TSHZ1: variants seen among roughly 807,000 people sequenced by gnomAD.
TSHZ1 encodes the protein teashirt homolog 1.
In TSHZ1, 12 loss-of-function variants were observed where a neutral mutation model predicts 67.1. The ratio of observed to expected loss-of-function variants is 0.18; its 90% CI spans 0.11 to 0.29. The LOEUF (loss-of-function observed/expected upper bound fraction) is 0.29. Among genes scored for constraint, TSHZ1 ranks in the 10% least tolerant of loss-of-function variants. The pLI is 1.00. For missense variants in TSHZ1, 1,305 were observed against 1,413.9 expected, an observed-to-expected ratio of 0.92 and a Z score of 1.23; for synonymous variants, 632 against 622.4, an observed-to-expected ratio of 1.02 and a Z score of -0.23.
chr18:75,219,656 T>TG (rs928292115), intron 1 of TSHZ1, among the ~76,000 whole-genome samples: 2 of 152,244 alleles, frequency 1.3e-5, no homozygotes, highest in African/African-American at 4.8e-5. Flanking sequence ...TTAGACTTTT[T>TG]GGGGGAAAAA....
At chr18:75,271,416 C>G (rs190515038) in intron 1 of TSHZ1, among the ~76,000 whole-genome samples, 2 of 152,168 alleles carry the variant, frequency 1.3e-5, no homozygotes, top group Admixed American at 6.5e-5. Flanking sequence ...CTTTATCTCT[C>G]GCTTCACTCA....
Position 75,287,296 on chromosome 18 carries a change from C to T in TSHZ1, c.1889C>T (p.Pro630Leu). 6.2e-7 allele frequency: 1 copy of T among 1,614,114 alleles called. No individual in the cohort carries two copies. The highest frequency in any genetic ancestry group is 8.5e-7 in the Non-Finnish European group (1 of 1,180,020). Residue 630 changes from proline (P) to leucine (L), a missense_variant, in exon 2 of 2, where the codon CCA becomes CTA. Transcript: ENST00000580243. This position sits in a 1 kb window ranked among gnomAD's most constrained non-coding sequence, Gnocchi z 5.0. ...LLHSPGSLTP[P>L]PHKSNVSAME... ...CACTCCCCAGGGAGCCTCACGCCCC[C>T]ACCGCACAAGAGCAACGTGTCTGCC...
chr18:75,211,999 C>G (rs1360587189), intron 1 of TSHZ1, 83 bp downstream of exon 1: 1 of 1,084,060 alleles, frequency 9.2e-7, no homozygotes, highest in Non-Finnish European at 1.2e-6. Context: ...AGGTGCGGGA[C>G]GTGGGCCGCG....
At chr18:75,244,420 T>G (rs1236738039) in intron 1 of TSHZ1, among the ~76,000 whole-genome samples, 1 of 152,246 alleles carries the variant, frequency 6.6e-6, no homozygotes, top group African/African-American at 2.4e-5. Context: ...CAATAATTTC[T>G]TAAATGCAAT....
intron 1 of TSHZ1, among the ~76,000 whole-genome samples, chr18:75,241,954 C>T (rs1387692527): frequency 2.7e-5 from 4 of 146,842 alleles, no homozygotes; most frequent in Non-Finnish European, 3.0e-5. Context: ...CTAGTATGAC[C>T]TCACCCCAGC....
chr18:75,224,148 T>C (rs2022887693), intron 1 of TSHZ1, among the ~76,000 whole-genome samples: 1 of 151,878 alleles, frequency 6.6e-6, no homozygotes, highest in African/African-American at 2.4e-5. Flanking sequence ...TTTTTCTTAT[T>C]GGAACGCTTT....
chr18:75,226,571 CT>C (rs34040466), intron 1 of TSHZ1, among the ~76,000 whole-genome samples: 4,899 of 140,970 alleles, frequency 0.035, 81 homozygotes, highest in East Asian at 0.1. Context: ...TGTTTTTCAA[CT>C]TTTTTTTTTT....
chr18:75,212,641 A>G (rs971076374), intron 1 of TSHZ1, among the ~76,000 whole-genome samples: 1 of 152,152 alleles, frequency 6.6e-6, no homozygotes, highest in African/African-American at 2.4e-5. Flanking sequence ...ACATCAATAA[A>G]TCACTCACCA....
chr18:75,223,051 C>T (rs1196567192), intron 1 of TSHZ1, among the ~76,000 whole-genome samples: 1 of 152,186 alleles, frequency 6.6e-6, no homozygotes, highest in Non-Finnish European at 1.5e-5. Context: ...CCCTGCCTCC[C>T]AGCACTGCGG....
chr18:75,246,038 G>A (rs185071654), intron 1 of TSHZ1, among the ~76,000 whole-genome samples: 2 of 152,264 alleles, frequency 1.3e-5, no homozygotes, highest in African/African-American at 2.4e-5. Flanking sequence ...CCACCTCACC[G>A]CCCTTCCAGG....
At chr18:75,214,174 G>A (rs564615239) in intron 1 of TSHZ1, among the ~76,000 whole-genome samples, 1 of 152,272 alleles carries the variant, frequency 6.6e-6, no homozygotes, top group East Asian at 1.9e-4. Flanking sequence ...GCATTAACGT[G>A]GATTCCTAGC....
intron 1 of TSHZ1, among the ~76,000 whole-genome samples, chr18:75,237,162 C>T (rs1012670724): frequency 1.3e-5 from 2 of 152,122 alleles, no homozygotes; most frequent in Admixed American, 1.3e-4. Context: ...CTGAGAGTTG[C>T]GTGTCAGGGC....
At position 75,289,478 on chromosome 18, in the gene TSHZ1, C is replaced by T. The variant is rs562681033; in HGVS notation, c.*837C>T. 4.7e-4 allele frequency: 78 copies of T among 167,078 alleles called. No individual in the cohort carries two copies. Among genetic ancestry groups the T allele is most frequent in the African/African-American group, 1.9e-3 (77 of 41,530 alleles). 10.3% of individuals were successfully genotyped at this position (167,078 alleles called of 1,614,324 possible). A position where few individuals can be genotyped will look rare whatever the true frequency, so the allele number is the denominator to read the frequency against. On this transcript the variant is annotated 3_prime_UTR_variant, in exon 2 of 2. Transcript: ENST00000580243. ...TTGGTACAAGCTGACCTTTCTATAG[C>T]GTGCTGCATTGGTAAATGAAAAAAA...
chr18:75,224,256 A>G (rs1599026660), intron 1 of TSHZ1, among the ~76,000 whole-genome samples: 1 of 152,232 alleles, frequency 6.6e-6, no homozygotes, highest in Non-Finnish European at 1.5e-5. Flanking sequence ...GTCTTCTTTA[A>G]TTATTACCTT....
intron 1 of TSHZ1, among the ~76,000 whole-genome samples, chr18:75,279,149 G>A (rs1215780004): frequency 6.6e-6 from 1 of 152,152 alleles, no homozygotes; most frequent in Non-Finnish European, 1.5e-5. Flanking sequence ...GGTCAGGAGG[G>A]CGGGTTCGGG....
intron 1 of TSHZ1, 53 bp from the exon 2 acceptor site, chr18:75,285,395 T>C: frequency 7.1e-7 from 1 of 1,417,536 alleles, no homozygotes. Context: ...GGGGAGGCTG[T>C]CTCTTTGAAG....
At chr18:75,274,114 G>A (rs2023588414) in intron 1 of TSHZ1, among the ~76,000 whole-genome samples, 1 of 152,156 alleles carries the variant, frequency 6.6e-6, no homozygotes, top group Non-Finnish European at 1.5e-5. Flanking sequence ...CACTGTACAC[G>A]CTCACACTGT....
intron 1 of TSHZ1, among the ~76,000 whole-genome samples, chr18:75,271,353 C>T (rs2023554193): frequency 6.6e-6 from 1 of 152,214 alleles, no homozygotes. Flanking sequence ...ATGCTTGAGG[C>T]TTGAACCCAG....
rs577760645 is a variant in TSHZ1 at position 75,234,159 on chromosome 18, G to A, written c.40+22243G>A. 5.9e-5 allele frequency among the ~76,000 whole-genome samples: 9 copies of A among 152,264 alleles called. No homozygotes were observed. The South Asian group carries it at 1.0e-3, about 18-fold the overall frequency. On this transcript the variant is annotated intron_variant, in intron 1 of 1. Coordinates refer to ENST00000580243, the MANE Select transcript of TSHZ1 (RefSeq NM_001308210.2). ...GAATCTTGCACGGCAACAGCCACAC[G>A]GCCAGTGAATACATGATGACTGGAG...
Sources: gnomAD v4.1 joint callset for allele counts (sites outside exome capture counted in the v4.1 genomes callset) on GRCh38, gnomAD v4.1.1 for gene constraint, Gnocchi (gnomAD v3.1) non-coding constraint, MANE v1.5 for transcripts, NCBI Gene and HGNC (gene_info 2026-07-23, HGNC 2026-07-21) for gene names.